The following SNX13 variants were observed in gnomAD, a reference collection of about 807,000 sequenced individuals.
SNX13 encodes the protein sorting nexin-13.
In SNX13, 45 loss-of-function variants were observed where a neutral mutation model predicts 133.6. The ratio of observed to expected loss-of-function variants is 0.34; its 90% CI spans 0.27 to 0.43. The LOEUF (loss-of-function observed/expected upper bound fraction) is 0.43, where lower values mean the gene tolerates loss of function less well. Ranked by LOEUF, SNX13 falls within the 20% of genes least tolerant of loss-of-function variation. The pLI is 1.00. For synonymous variants in SNX13, 414 were observed against 373.9 expected, an observed-to-expected ratio of 1.11 and a Z score of -1.24; for missense variants, 1,032 against 1,145.1, an observed-to-expected ratio of 0.90 and a Z score of 1.43.
At chr7:17,938,270 A>G (rs141878932) in intron 1 of SNX13, among the ~76,000 whole-genome samples, 7 of 152,344 alleles carry the variant, frequency 4.6e-5, no homozygotes, top group Non-Finnish European at 8.8e-5. Context: ...TTTAAAATCT[A>G]TCAAGAGAGC....
At chr7:17,913,760 C>CAAAAAAA (rs71010278) in intron 1 of SNX13, among the ~76,000 whole-genome samples, 80 of 53,994 alleles carry the variant, frequency 1.5e-3, no homozygotes, top group East Asian at 3.9e-3. Flanking sequence ...TTAACAAAAA[C>CAAAAAAA]AAAAAAAAAA....
chr7:17,861,244 G>A (rs1057362729), intron 9 of SNX13, among the ~76,000 whole-genome samples: 4 of 151,908 alleles, frequency 2.6e-5, no homozygotes, highest in African/African-American at 9.7e-5. Context: ...CAGCAGGAGA[G>A]CACCCCTTTC....
chr7:17,913,760 CAAAAAAAAAA>C (rs71010278), intron 1 of SNX13, among the ~76,000 whole-genome samples: 2 of 54,078 alleles, frequency 3.7e-5, no homozygotes, highest in African/African-American at 1.9e-4. Flanking sequence ...TTAACAAAAA[CAAAAAAAAAA>C]AAAAAAAAAA....
Position 17,796,830 on chromosome 7 carries a change from G to A in SNX13, c.2623C>T (p.Pro875Ser), listed in dbSNP as rs1367632319. 2 of 1,595,476 alleles carry A rather than the reference G, an allele frequency of 1.3e-6. No individual in the cohort carries two copies. The highest frequency in any genetic ancestry group is 1.7e-6 in the Non-Finnish European group (2 of 1,164,522). The part of the protein sequence containing the change: ...AGKTKLLAIM[P>S]DELKHIIGAE... Reference sequence around the variant, plus strand: ...TTAACTATACATGCTCACTCACCTGGCATAATTGCAAGTAATTTCGTTTTT... The same window carrying A: ...TTAACTATACATGCTCACTCACCTGACATAATTGCAAGTAATTTCGTTTTT... Residue 875 changes from proline to serine, a missense_variant, in exon 25 of 26, where the codon CCA becomes TCA. Coordinates refer to ENST00000428135, the MANE Select transcript of SNX13 (RefSeq NM_015132.5).
intron 2 of SNX13, among the ~76,000 whole-genome samples, chr7:17,893,714 C>G (rs1243495616): frequency 2.6e-5 from 4 of 152,112 alleles, no homozygotes; most frequent in Non-Finnish European, 5.9e-5. Context: ...GTGGCTCATG[C>G]CTGTAATCCC....
chr7:17,893,252 C>T (rs928759079), intron 3 of SNX13, 80 bp downstream of exon 3: 10 of 908,048 alleles, frequency 1.1e-5, no homozygotes, highest in East Asian at 2.9e-5. Flanking sequence ...AAATTTGTCA[C>T]GCTATATATA....
intron 7 of SNX13, among the ~76,000 whole-genome samples, chr7:17,874,466 C>G (rs924479951): frequency 3.9e-5 from 6 of 152,046 alleles, no homozygotes; most frequent in Non-Finnish European, 8.8e-5. Flanking sequence ...GGAGTCAGTA[C>G]CCGAAACCCT....
At chr7:17,837,984 G>C (rs771452309) in intron 13 of SNX13, among the ~76,000 whole-genome samples, 23 of 151,748 alleles carry the variant, frequency 1.5e-4, no homozygotes, top group African/African-American at 5.3e-4. Context: ...CCTCGTCAAA[G>C]ATCACCTACC....
rs1291156558 is a variant in SNX13, at chr7:17,940,373, G to C, written c.-78C>G. ...CCGTAGCAGCAGCGAAAACTGCTCGGGCCGCCGCCAACGGCGGCAACTGCT... is the reference window on the plus strand; with the variant it reads ...CCGTAGCAGCAGCGAAAACTGCTCGCGCCGCCGCCAACGGCGGCAACTGCT... On this transcript the variant is annotated 5_prime_UTR_variant, in exon 1 of 26. Transcript: ENST00000428135. 12 of 1,520,516 alleles carry C rather than the reference G, an allele frequency of 7.9e-6. No homozygotes were observed. The highest frequency in any genetic ancestry group is 1.1e-5 in the Non-Finnish European group (12 of 1,120,392). 94.2% of individuals were successfully genotyped at this position (1,520,516 alleles called of 1,614,324 possible). A position where few individuals can be genotyped will look rare whatever the true frequency, so the allele number is the denominator to read the frequency against.
Position 17,791,196 on chromosome 7 carries a change from A to T in SNX13, c.*2849T>A, listed in dbSNP as rs946272223. The T allele has an allele frequency of 1.3e-5, 2 of 152,012 alleles. No individual in the cohort carries two copies. The highest frequency in any genetic ancestry group is 2.4e-5 in the African/African-American group (1 of 41,444). The allele number at this position is 152,012 out of a possible 1,614,324, so 9.4% of individuals were successfully genotyped here. On this transcript the variant is annotated 3_prime_UTR_variant, in exon 26 of 26. Transcript: ENST00000428135. ...ATTCATTTATCTTACAATTACTCAA[A>T]TACACATGCATTAAATGAAAATATT...
chr7:17,923,088 A>C (rs1016127298), intron 1 of SNX13, among the ~76,000 whole-genome samples: 5 of 152,174 alleles, frequency 3.3e-5, no homozygotes, highest in Admixed American at 1.3e-4. Flanking sequence ...TTCAGTTAAC[A>C]CTCATTTAAA....
At chr7:17,902,240 TG>T (rs1285339353) in intron 1 of SNX13, among the ~76,000 whole-genome samples, 8 of 102,000 alleles carry the variant, frequency 7.8e-5, no homozygotes, top group Middle Eastern at 4.3e-3. Flanking sequence ...ATTACTGTCA[TG>T]GTTTTTTTTT....
intron 5 of SNX13, among the ~76,000 whole-genome samples, chr7:17,886,926 T>C (rs1260696478): frequency 6.6e-6 from 1 of 151,232 alleles, no homozygotes; most frequent in East Asian, 1.9e-4. Context: ...TATTTCTCTA[T>C]GTTTCATGTG....
At chr7:17,839,784 C>G (rs748670698) in intron 13 of SNX13, 23 bp downstream of exon 13, 35 of 1,551,948 alleles carry the variant, frequency 2.3e-5, no homozygotes, top group Non-Finnish European at 3.0e-5. Context: ...AAGAAGAAAA[C>G]AGTAATCAAA....
chr7:17,816,612 G>A (rs913232285), intron 18 of SNX13, among the ~76,000 whole-genome samples: 3 of 152,106 alleles, frequency 2.0e-5, no homozygotes, highest in Non-Finnish European at 4.4e-5. Context: ...GTGATGAGCC[G>A]AGAGTGTGCC....
rs189655031 is a variant in SNX13, at chr7:17,832,144, A to G, written c.1597+1908T>C. ...TACTCAATAACTGATATATAAGAGA[A>G]GCATATTTACTTCAGATCAAAACCA... On this transcript the variant is annotated intron_variant, in intron 15 of 25. Transcript: ENST00000428135. 6.2e-3 allele frequency: 6,084 copies of G among 984,286 alleles called. 28 individuals carry two copies. The highest frequency in any genetic ancestry group is 6.9e-3 in the Non-Finnish European group (5,718 of 829,074). 61.0% of individuals were successfully genotyped at this position (984,286 alleles called of 1,614,324 possible). A position where few individuals can be genotyped will look rare whatever the true frequency, so the allele number is the denominator to read the frequency against.
chr7:17,832,292 A>T, intron 15 of SNX13: 2 of 984,670 alleles, frequency 2.0e-6, no homozygotes, highest in Non-Finnish European at 2.4e-6. Context: ...CAGACTGGCT[A>T]GAAAGATATG....
chr7:17,867,390 T>C (rs1793520641), intron 9 of SNX13, among the ~76,000 whole-genome samples: 1 of 152,136 alleles, frequency 6.6e-6, no homozygotes, highest in Non-Finnish European at 1.5e-5. Context: ...GCAGATCGCT[T>C]GAGCTCAGGA....
At position 17,860,619 on chromosome 7, in the gene SNX13, T is replaced by C. The variant is rs149217976; in HGVS notation, c.837+7788A>G. Reference sequence around the variant, plus strand: ...TGTCATTTCAGATCTTTAATCCATTTTGAGTTAATTTTTACATGCAGGGCA... The same window carrying C: ...TGTCATTTCAGATCTTTAATCCATTCTGAGTTAATTTTTACATGCAGGGCA... On this transcript the variant is annotated intron_variant, in intron 9 of 25. Coordinates refer to ENST00000428135, the MANE Select transcript of SNX13 (RefSeq NM_015132.5). Among the ~76,000 whole-genome samples, 499 of 152,322 alleles carry C rather than the reference T, an allele frequency of 3.3e-3. 1 individual carries two copies. Among genetic ancestry groups the C allele is most frequent in the African/African-American group, 0.011 (477 of 41,558 alleles).
Sources: gnomAD v4.1 joint callset for allele counts (sites outside exome capture counted in the v4.1 genomes callset) on GRCh38, gnomAD v4.1.1 for gene constraint, MANE v1.5 for transcripts, NCBI Gene and HGNC (gene_info 2026-07-23, HGNC 2026-07-21) for gene names.